The following DPYD variants were observed in gnomAD, a reference collection of about 807,000 sequenced individuals.
DPYD encodes the protein dihydropyrimidine dehydrogenase [NADP(+)].
In DPYD, 109 loss-of-function variants were observed where a neutral mutation model predicts 116.2. The ratio of observed to expected loss-of-function variants is 0.94; its 90% CI spans 0.80 to 1.10. The LOEUF (loss-of-function observed/expected upper bound fraction) is 1.10. Among genes scored for constraint, DPYD ranks in the 50% least tolerant of loss-of-function variants. The pLI is 0.00. For synonymous variants in DPYD, 440 were observed against 432.0 expected (o/e 1.02, Z -0.23); for missense variants, 1,302 against 1,254.5 (o/e 1.04, Z -0.57).
chr1:97,312,191 G>A lies in DPYD; in HGVS notation c.2059-5894C>T, dbSNP rs190591109. On this transcript the variant is annotated intron_variant, in intron 16 of 22. Coordinates refer to ENST00000370192, the MANE Select transcript of DPYD (RefSeq NM_000110.4). ...CAAATATGAAAAGACATCGAATCTCGCTAGTAATTAGAAAAACAAAAGAAT... is the reference window on the plus strand; with the variant it reads ...CAAATATGAAAAGACATCGAATCTCACTAGTAATTAGAAAAACAAAAGAAT... 5.9e-4 allele frequency among the ~76,000 whole-genome samples: 90 copies of A among 151,780 alleles called. 1 individual carries two copies. In the Middle Eastern group the frequency reaches 0.017, roughly 29 times the overall value.
At chr1:97,095,653 C>T (rs752383830) in intron 21 of DPYD, among the ~76,000 whole-genome samples, 10 of 151,364 alleles carry the variant, frequency 6.6e-5, no homozygotes, top group Non-Finnish European at 1.2e-4. Flanking sequence ...TACATATATA[C>T]ACACACACAG....
At chr1:97,384,471 C>A (rs572093152) in intron 14 of DPYD, among the ~76,000 whole-genome samples, 1 of 151,644 alleles carries the variant, frequency 6.6e-6, no homozygotes, top group African/African-American at 2.4e-5. Flanking sequence ...GTATTTGGCA[C>A]GTATCAAAGA....
chr1:97,668,784 G>T (rs1353430732), intron 8 of DPYD, among the ~76,000 whole-genome samples: 2 of 151,916 alleles, frequency 1.3e-5, no homozygotes, highest in Non-Finnish European at 2.9e-5. Flanking sequence ...TTCTAGGAAT[G>T]ATAAATTTAT....
At chr1:97,487,552 A>G (rs1156876920) in intron 13 of DPYD, among the ~76,000 whole-genome samples, 1 of 152,160 alleles carries the variant, frequency 6.6e-6, no homozygotes, top group Non-Finnish European at 1.5e-5. Flanking sequence ...GGGCACCTGT[A>G]GTCCCAGCTA....
At chr1:97,887,845 A>G (rs1672584797) in intron 1 of DPYD, among the ~76,000 whole-genome samples, 1 of 151,994 alleles carries the variant, frequency 6.6e-6, no homozygotes, top group African/African-American at 2.4e-5. Flanking sequence ...TTCTCATGAT[A>G]GTGAGTGAGT....
chr1:97,608,407 C>T (rs1377304909), intron 8 of DPYD, among the ~76,000 whole-genome samples: 2 of 151,972 alleles, frequency 1.3e-5, no homozygotes, highest in African/African-American at 4.8e-5. Flanking sequence ...TTGGAAATCC[C>T]ACAGAAGGGT....
chr1:97,889,853 G>C (rs1299981443), intron 1 of DPYD, among the ~76,000 whole-genome samples: 2 of 151,836 alleles, frequency 1.3e-5, no homozygotes, highest in East Asian at 3.9e-4. Flanking sequence ...TATGCTAGAT[G>C]AAAAAACAAC....
intron 16 of DPYD, among the ~76,000 whole-genome samples, chr1:97,359,941 C>A (rs1369143759): frequency 6.6e-6 from 1 of 152,130 alleles, no homozygotes; most frequent in African/African-American, 2.4e-5. Flanking sequence ...ATGACAGGAT[C>A]AAATTCACAC....
At chr1:97,198,924 A>C (rs1292866955) in intron 19 of DPYD, among the ~76,000 whole-genome samples, 1 of 152,104 alleles carries the variant, frequency 6.6e-6, no homozygotes, top group Non-Finnish European at 1.5e-5. Flanking sequence ...GTGCAGCGTG[A>C]TTTGACGTGT....
intron 2 of DPYD, among the ~76,000 whole-genome samples, chr1:97,838,723 T>C (rs1325677662): frequency 1.3e-5 from 2 of 152,218 alleles, no homozygotes; most frequent in Admixed American, 6.5e-5. Context: ...CGGGCGCCTG[T>C]AGTCCCAGGT....
intron 14 of DPYD, among the ~76,000 whole-genome samples, chr1:97,415,209 A>G (rs1246938109): frequency 6.6e-6 from 1 of 152,214 alleles, no homozygotes; most frequent in Non-Finnish European, 1.5e-5. Context: ...AATTACTATC[A>G]ACACACATAG....
chr1:97,406,204 C>G (rs7544128), intron 14 of DPYD, among the ~76,000 whole-genome samples: 39,753 of 151,118 alleles, frequency 0.26, 5,544 homozygotes, highest in South Asian at 0.43. Context: ...CTAACCTTGG[C>G]GTAGCAGTTT....
chr1:97,467,572 ATCT>A (rs1333139824), intron 13 of DPYD, among the ~76,000 whole-genome samples: 2 of 152,184 alleles, frequency 1.3e-5, no homozygotes, highest in Non-Finnish European at 2.9e-5. Context: ...GAGTTGCCTG[ATCT>A]TCTTTGCTTG....
chr1:97,162,669 C>T (rs1656015754), intron 20 of DPYD, among the ~76,000 whole-genome samples: 1 of 152,120 alleles, frequency 6.6e-6, no homozygotes, highest in African/African-American at 2.4e-5. Context: ...GCCCGCATCA[C>T]CAAGTCAATC....
chr1:97,834,449 A>C (rs2101507892), intron 2 of DPYD, among the ~76,000 whole-genome samples: 1 of 152,122 alleles, frequency 6.6e-6, no homozygotes, highest in Middle Eastern at 3.4e-3. Context: ...GCCATGTATT[A>C]GTGATATATC....
intron 3 of DPYD, among the ~76,000 whole-genome samples, chr1:97,811,019 C>T (rs771070248): frequency 1.3e-5 from 2 of 152,098 alleles, no homozygotes; most frequent in Non-Finnish European, 2.9e-5. Flanking sequence ...AAATACTTTA[C>T]ATCAGAAAAC....
intron 12 of DPYD, among the ~76,000 whole-genome samples, chr1:97,534,323 G>C (rs1015707425): frequency 1.3e-5 from 2 of 152,036 alleles, no homozygotes; most frequent in Non-Finnish European, 2.9e-5. Flanking sequence ...ATCACAAAAA[G>C]TCCAATACTT....
chr1:97,517,265 G>T (rs897955413), intron 12 of DPYD, among the ~76,000 whole-genome samples: 4 of 151,938 alleles, frequency 2.6e-5, no homozygotes, highest in Non-Finnish European at 5.9e-5. Context: ...GTTAGTCTGG[G>T]TGTGAACATA....
At chr1:97,291,230 C>A (rs1260236737) in intron 18 of DPYD, among the ~76,000 whole-genome samples, 1 of 152,130 alleles carries the variant, frequency 6.6e-6, no homozygotes, top group Non-Finnish European at 1.5e-5. Flanking sequence ...CACTTTTACA[C>A]TGTTGGTGGG....
Sources: allele counts gnomAD v4.1 joint callset (sites outside exome capture counted in the v4.1 genomes callset), GRCh38; gene constraint gnomAD v4.1.1; transcripts MANE v1.5; gene names NCBI Gene and HGNC (gene_info 2026-07-23, HGNC 2026-07-21).